SIRT5: variants seen among roughly 807,000 people sequenced by gnomAD.
The protein encoded by SIRT5 is NAD-dependent protein deacylase sirtuin-5, mitochondrial.
A neutral mutation model predicts 40.0 loss-of-function variants in SIRT5; 26 were observed. That is an observed-to-expected ratio of 0.65 (90% CI 0.48 to 0.90). SIRT5 has a LOEUF of 0.90. Among genes scored for constraint, SIRT5 ranks in the 40% least tolerant of loss-of-function variants. SIRT5 has a pLI of 0.00. For synonymous variants in SIRT5, 146 were observed against 149.1 expected (o/e 0.98, Z 0.15); for missense variants, 401 against 402.4 (o/e 1.00, Z 0.03).
At position 13,611,984 on chromosome 6, in the gene SIRT5, C is replaced by T. The variant is rs117900898; in HGVS notation, c.*119C>T. ...CAATCTAAAAATAGCCTCTGATTCCCTCGCTGGAATCCAACCTGTTGATAA... is the reference window on the plus strand; with the variant it reads ...CAATCTAAAAATAGCCTCTGATTCCTTCGCTGGAATCCAACCTGTTGATAA... On this transcript the variant is annotated 3_prime_UTR_variant, in exon 10 of 10. Coordinates refer to ENST00000606117, the MANE Select transcript of SIRT5 (RefSeq NM_012241.5). 1,015 of 901,438 alleles carry T rather than the reference C, an allele frequency of 1.1e-3. 19 individuals are homozygous for T. In the East Asian group the frequency reaches 0.025, roughly 22 times the overall value. 55.8% of individuals were successfully genotyped at this position (901,438 alleles called of 1,614,324 possible).
intron 9 of SIRT5, among the ~76,000 whole-genome samples, chr6:13,608,322 A>C (rs1346888484): frequency 6.6e-6 from 1 of 152,228 alleles, no homozygotes; most frequent in African/African-American, 2.4e-5. Flanking sequence ...ACAATGGCTT[A>C]TGCCTGTAAT....
rs116713836 is a variant in SIRT5 at position 13,580,233 on chromosome 6, A to G, written c.-36+624A>G. Among the ~76,000 whole-genome samples the G allele has an allele frequency of 9.5e-3, 1,450 of 152,284 alleles. 25 individuals are homozygous for G. The highest frequency in any genetic ancestry group is 0.031 in the African/African-American group (1,304 of 41,544). Reference sequence around the variant, plus strand: ...TAACCTCTTCTCTTTTTGAGTGTCAATCTTCTTCTACAGTCTTTTTGATTG... The same window carrying G: ...TAACCTCTTCTCTTTTTGAGTGTCAGTCTTCTTCTACAGTCTTTTTGATTG... On this transcript the variant is annotated intron_variant, in intron 2 of 9. Transcript: ENST00000606117.
At position 13,599,045 on chromosome 6, in the gene SIRT5, G is replaced by T; in HGVS notation, c.631G>T (p.Gly211Cys). Residue 211 changes from glycine (G) to cysteine (C), a missense_variant, in exon 8 of 10, where the codon GGC (glycine) becomes TGC (cysteine). By Grantham distance (159) the Gly-to-Cys change is radical. Coordinates refer to ENST00000606117, the MANE Select transcript of SIRT5 (RefSeq NM_012241.5). The stretch of plus-strand genomic sequence containing the variant: ...CCATTCTTCCAGGTGTGAAGAGGCA[G>T]GCTGCGGGGGCTTGCTGCGACCTCA... ...VEKLPRCEEAGCGGLLRPHVV... is the reference protein window; with the variant it reads ...VEKLPRCEEACCGGLLRPHVV... 1 of 1,614,076 alleles carries T rather than the reference G, an allele frequency of 6.2e-7. No individual in the cohort carries two copies. Among genetic ancestry groups the T allele is most frequent in the Non-Finnish European group, 8.5e-7 (1 of 1,179,994 alleles).
At chr6:13,589,860 T>A (rs1290910503) in intron 4 of SIRT5, among the ~76,000 whole-genome samples, 1 of 152,078 alleles carries the variant, frequency 6.6e-6, no homozygotes, top group Non-Finnish European at 1.5e-5. Flanking sequence ...GGCTCAGAGT[T>A]TGCAGACAAA....
At chr6:13,602,627 A>G (rs1762549290) in intron 9 of SIRT5, among the ~76,000 whole-genome samples, 1 of 152,222 alleles carries the variant, frequency 6.6e-6, no homozygotes, top group African/African-American at 2.4e-5. Context: ...AAACAGAACA[A>G]TAAAACAAAC....
At chr6:13,606,098 A>G (rs755312285) in intron 9 of SIRT5, among the ~76,000 whole-genome samples, 1 of 152,276 alleles carries the variant, frequency 6.6e-6, no homozygotes, top group African/African-American at 2.4e-5. Flanking sequence ...TACACATTCT[A>G]CAGCACGTGA....
intron 3 of SIRT5, among the ~76,000 whole-genome samples, chr6:13,587,925 C>A (rs1032608583): frequency 7.2e-5 from 11 of 152,172 alleles, no homozygotes; most frequent in Non-Finnish European, 1.5e-4. Context: ...CACAAACATA[C>A]AGGCTTGTTT....
intron 2 of SIRT5, among the ~76,000 whole-genome samples, chr6:13,582,438 C>G (rs531035915): frequency 4.6e-5 from 7 of 151,932 alleles, no homozygotes; most frequent in African/African-American, 1.7e-4. Flanking sequence ...GTAGCTAATC[C>G]CCTGAACTCA....
At chr6:13,591,625 G>C in intron 4 of SIRT5, 44 bp from the exon 5 acceptor site, 1 of 1,449,188 alleles carries the variant, frequency 6.9e-7, no homozygotes, top group Non-Finnish European at 9.2e-7. Context: ...CAGCATCCTG[G>C]CTGTCTCTGC....
intron 2 of SIRT5, among the ~76,000 whole-genome samples, chr6:13,580,256 T>A (rs1297296144): frequency 1.3e-5 from 2 of 152,240 alleles, no homozygotes; most frequent in Non-Finnish European, 2.9e-5. Context: ...GTCTTTTTGA[T>A]TGCAGAAGAG....
At chr6:13,588,529 A>G in intron 4 of SIRT5, 65 bp downstream of exon 4, 1 of 1,544,032 alleles carries the variant, frequency 6.5e-7, no homozygotes, top group Non-Finnish European at 8.7e-7. Flanking sequence ...GTTTGACTCA[A>G]ATCCTATACC....
At chr6:13,611,218 TATATATATATATATATATACACAC>T (rs1260445165) in intron 9 of SIRT5, among the ~76,000 whole-genome samples, 1 of 123,444 alleles carries the variant, frequency 8.1e-6, no homozygotes, top group Non-Finnish European at 1.7e-5. Flanking sequence ...TATATATATA[TATATATATATATATATATACACAC>T]ACACATACAC....
intron 1 of SIRT5, among the ~76,000 whole-genome samples, chr6:13,575,881 A>C (rs1242420209): frequency 6.6e-6 from 1 of 152,114 alleles, no homozygotes; most frequent in Admixed American, 6.5e-5. Flanking sequence ...TTTAGACCCC[A>C]AGTATATAAG....
intron 2 of SIRT5, among the ~76,000 whole-genome samples, chr6:13,582,527 G>A (rs1475092518): frequency 6.8e-6 from 1 of 146,046 alleles, no homozygotes; most frequent in Non-Finnish European, 1.5e-5. Context: ...CCCTTTGTTA[G>A]TATTGAGTTT....
intron 1 of SIRT5, 22 bp from the exon 2 acceptor site, chr6:13,579,429 G>A (rs200896205): frequency 2.6e-5 from 4 of 151,996 alleles, no homozygotes; most frequent in Non-Finnish European, 5.9e-5. Context: ...TTATTCAGTA[G>A]TTTTTTTGAA....
In SIRT5 at chr6:13,600,953, C is replaced by G. The variant is rs768846694; in HGVS notation, c.857+4C>G. ...CCCCAGCTACGAACAGATTCAGGTA[C>G]TGGGATACCCTGATGGGAGAGGGAG... is the stretch of plus-strand genomic sequence containing the variant. On this transcript the variant is annotated splice_donor_region_variant and intron_variant, in intron 9 of 9. Transcript: ENST00000606117. 3.1e-6 allele frequency: 5 copies of G among 1,606,246 alleles called. No individual in the cohort carries two copies. Among genetic ancestry groups the G allele is most frequent in the Non-Finnish European group, 4.3e-6 (5 of 1,173,098 alleles).
intron 6 of SIRT5, among the ~76,000 whole-genome samples, chr6:13,596,707 G>C (rs545494585): frequency 1.3e-5 from 2 of 152,106 alleles, no homozygotes; most frequent in Non-Finnish European, 2.9e-5. Flanking sequence ...GGGTTGTCTT[G>C]AACTTCTGGC....
At chr6:13,578,651 A>G (rs1348704165) in intron 1 of SIRT5, among the ~76,000 whole-genome samples, 2 of 147,716 alleles carry the variant, frequency 1.4e-5, no homozygotes, top group East Asian at 3.9e-4. Flanking sequence ...AATAATTGGT[A>G]TTAGTTCTGC....
At chr6:13,606,592 G>A (rs1763140979) in intron 9 of SIRT5, among the ~76,000 whole-genome samples, 1 of 152,166 alleles carries the variant, frequency 6.6e-6, no homozygotes, top group African/African-American at 2.4e-5. Flanking sequence ...AAAAGCCACT[G>A]AAAACAAGAC....
Sources: gnomAD v4.1 joint callset for allele counts (sites outside exome capture counted in the v4.1 genomes callset) on GRCh38, gnomAD v4.1.1 for gene constraint, MANE v1.5 for transcripts, NCBI Gene and HGNC (gene_info 2026-07-23, HGNC 2026-07-21) for gene names.